FAM184A: variants seen among roughly 807,000 people sequenced by gnomAD.
FAM184A encodes the protein protein FAM184A.
A neutral mutation model predicts 143.8 loss-of-function variants in FAM184A; 99 were observed. The observed-to-expected ratio is 0.69, with a 90% CI of 0.58 to 0.81. The LOEUF is 0.81. Among genes scored for constraint, FAM184A ranks in the 40% least tolerant of loss-of-function variants. The pLI is 0.00. For missense variants in FAM184A, 1,217 were observed against 1,310.5 expected (o/e 0.93, Z 1.10); for synonymous variants, 427 against 446.4 (o/e 0.96, Z 0.55).
chr6:118,995,588 A>G (rs755219306), intron 9 of FAM184A, among the ~76,000 whole-genome samples: 1 of 152,248 alleles, frequency 6.6e-6, no homozygotes, highest in Non-Finnish European at 1.5e-5. Flanking sequence ...AAAATTTCCC[A>G]AAACAAAAAG....
At chr6:119,095,994 G>A (rs1308733600) in intron 1 of FAM184A, among the ~76,000 whole-genome samples, 1 of 152,086 alleles carries the variant, frequency 6.6e-6, no homozygotes, top group Non-Finnish European at 1.5e-5. Flanking sequence ...TCTGACTTTG[G>A]ACTTTGGCAA....
At chr6:119,084,093 A>AGAGAAAGAG (rs1554195094) in intron 1 of FAM184A, among the ~76,000 whole-genome samples, 2 of 151,522 alleles carry the variant, frequency 1.3e-5, no homozygotes, top group South Asian at 4.2e-4. Flanking sequence ...GAGAGAGAGA[A>AGAGAAAGAG]AGAGAGAGAG....
chr6:118,996,990 C>T (rs541208555), intron 9 of FAM184A, among the ~76,000 whole-genome samples: 1 of 150,186 alleles, frequency 6.7e-6, no homozygotes, highest in South Asian at 2.2e-4. Flanking sequence ...CTCCCACATG[C>T]TGGGATTACA....
At chr6:119,047,234 T>C (rs748359292) in intron 1 of FAM184A, among the ~76,000 whole-genome samples, 1 of 152,098 alleles carries the variant, frequency 6.6e-6, no homozygotes, top group Non-Finnish European at 1.5e-5. Flanking sequence ...CAGTAACAAA[T>C]GCTGGCAAGG....
intron 9 of FAM184A, among the ~76,000 whole-genome samples, chr6:118,993,267 A>G (rs932455919): frequency 2.0e-5 from 3 of 152,220 alleles, no homozygotes; most frequent in Non-Finnish European, 2.9e-5. Context: ...GTATTTCAGG[A>G]ATTCTATTAT....
chr6:118,977,895 T>C (rs902343969), intron 11 of FAM184A, among the ~76,000 whole-genome samples: 6 of 152,234 alleles, frequency 3.9e-5, no homozygotes, highest in Non-Finnish European at 7.3e-5. Context: ...GAATCTACAA[T>C]TATTTCAAAA....
At chr6:119,132,173 G>A (rs1891541) in intron 1 of FAM184A, among the ~76,000 whole-genome samples, 3 of 152,018 alleles carry the variant, frequency 2.0e-5, no homozygotes, top group African/African-American at 7.2e-5. Context: ...GCCAAATTCT[G>A]TGTAGGTTTT....
intron 9 of FAM184A, among the ~76,000 whole-genome samples, chr6:118,996,315 A>G (rs965037409): frequency 6.6e-6 from 1 of 152,218 alleles, no homozygotes; most frequent in Non-Finnish European, 1.5e-5. Flanking sequence ...AAAAACTTTC[A>G]TATTTAAAGG....
intron 6 of FAM184A, among the ~76,000 whole-genome samples, chr6:119,009,845 G>A (rs866178637): frequency 6.6e-6 from 1 of 152,074 alleles, no homozygotes; most frequent in Non-Finnish European, 1.5e-5. Flanking sequence ...GTACCTAATA[G>A]GCATTCCATA....
At chr6:119,092,763 T>C (rs951291029) in intron 1 of FAM184A, among the ~76,000 whole-genome samples, 1 of 152,224 alleles carries the variant, frequency 6.6e-6, no homozygotes, top group African/African-American at 2.4e-5. Context: ...TATTGGGTTC[T>C]GGGTCTGATA....
At chr6:118,989,833 T>C (rs1019137657) in intron 9 of FAM184A, among the ~76,000 whole-genome samples, 3 of 151,180 alleles carry the variant, frequency 2.0e-5, no homozygotes, top group Non-Finnish European at 4.4e-5. Context: ...TTTATTTATT[T>C]ATTTATTTAT....
chr6:119,121,279 A>G (rs1247733925), intron 1 of FAM184A, among the ~76,000 whole-genome samples: 1 of 151,990 alleles, frequency 6.6e-6, no homozygotes, highest in South Asian at 2.1e-4. Flanking sequence ...CTACAGGTGC[A>G]TGTCATCATA....
intron 1 of FAM184A, among the ~76,000 whole-genome samples, chr6:119,039,633 A>C (rs535220438): frequency 6.6e-6 from 1 of 152,344 alleles, no homozygotes; most frequent in South Asian, 2.1e-4. Flanking sequence ...GGGAGGAAGG[A>C]ATAGGCAGTG....
intron 9 of FAM184A, among the ~76,000 whole-genome samples, chr6:118,988,557 C>T (rs890607009): frequency 6.6e-6 from 1 of 152,108 alleles, no homozygotes; most frequent in Admixed American, 6.5e-5. Context: ...CGGTGAAAAC[C>T]GCCAACACTA....
Position 119,007,687 on chromosome 6 carries a change from T to C in FAM184A, c.1654-1079A>G, listed in dbSNP as rs148101144. Among the ~76,000 whole-genome samples, 358 of 152,312 alleles carry C rather than the reference T, an allele frequency of 2.4e-3. 1 individual carries two copies. Among genetic ancestry groups the C allele is most frequent in the African/African-American group, 7.6e-3 (315 of 41,560 alleles). The stretch of plus-strand genomic sequence containing the variant: ...TGGGCGCGGTGGCTTATGCCTGTAA[T>C]CCCAGCACTTTGGGAGGCCGAGGCA... On this transcript the variant is annotated intron_variant, in intron 6 of 17. Coordinates refer to ENST00000338891, the MANE Select transcript of FAM184A (RefSeq NM_024581.6).
chr6:119,138,055 A>G (rs1219897100), intron 1 of FAM184A, among the ~76,000 whole-genome samples: 1 of 152,214 alleles, frequency 6.6e-6, no homozygotes, highest in Non-Finnish European at 1.5e-5. Flanking sequence ...AAGTTCTTTT[A>G]TGCCATGAGT....
At chr6:119,068,930 C>G in intron 1 of FAM184A, 1 of 222,340 alleles carries the variant, frequency 4.5e-6, no homozygotes, top group Admixed American at 5.3e-5. Flanking sequence ...AAAATTTGCC[C>G]ATGATTACAC....
chr6:119,078,962 G>A (rs1330059675), upstream of FAM184A: 1 of 152,372 alleles, frequency 6.6e-6, no homozygotes, highest in African/African-American at 2.4e-5. The surrounding 1 kb of genome is among the most constrained non-coding windows in gnomAD (Gnocchi z 5.5). Flanking sequence ...GAGGCCTGAC[G>A]TAAAAAAAAA....
chr6:118,962,260 A>G (rs1374090799), intron 16 of FAM184A: 1 of 339,482 alleles, frequency 2.9e-6, no homozygotes, highest in African/African-American at 2.1e-5. Flanking sequence ...AGGGGTAAAG[A>G]ATACCCTTTT....
Sources: allele counts gnomAD v4.1 joint callset (sites outside exome capture counted in the v4.1 genomes callset), GRCh38; gene constraint gnomAD v4.1.1; non-coding constraint Gnocchi (gnomAD v3.1); transcripts MANE v1.5; gene names NCBI Gene and HGNC (gene_info 2026-07-23, HGNC 2026-07-21).